The following ANKRD60 variants were observed in gnomAD, a reference collection of about 807,000 sequenced individuals.
The protein encoded by ANKRD60 is ankyrin repeat domain 60, also known as ankyrin repeat domain-containing protein 60.
A neutral mutation model predicts 21.3 loss-of-function variants in ANKRD60; 24 were observed. The observed-to-expected ratio is 1.13, with a 90% CI of 0.82 to 1.59. The LOEUF is 1.59. ANKRD60 is among the 40% of genes most tolerant of loss of function. The pLI, the probability that ANKRD60 is intolerant of heterozygous loss-of-function variation, is 0.00. For missense variants in ANKRD60, 490 were observed against 466.7 expected, an observed-to-expected ratio of 1.05 and a Z score of -0.46; for synonymous variants, 182 against 199.4, an observed-to-expected ratio of 0.91 and a Z score of 0.74.
In ANKRD60 at chr20:58,228,592, GCCCGCGCT is replaced by G; in HGVS notation, c.54_61del (p.Ala19GlyfsTer58). The stretch of plus-strand genomic sequence containing the variant: ...AGAGGCGCCCCCAGTTGGCCCCGCC[GCCCGCGCT>G]CCGCCCGCCCCCGCCGCCGCCCGCC... On this transcript the variant is annotated frameshift_variant, in exon 1 of 4. Transcript: ENST00000457363. LOFTEE classifies it high-confidence loss of function. The surrounding 1 kb of genome is among the most constrained non-coding windows in gnomAD (Gnocchi z 5.3). 2 of 1,125,690 alleles carry G rather than the reference GCCCGCGCT, an allele frequency of 1.8e-6. No individual in the cohort carries two copies. Among genetic ancestry groups the G allele is most frequent in the East Asian group, 4.6e-5 (1 of 21,910 alleles). The allele number at this position is 1,125,690 out of a possible 1,614,324, so 69.7% of individuals were successfully genotyped here.
At chr20:58,216,953 T>C (rs562581414), downstream of ANKRD60, among the ~76,000 whole-genome samples, 18 of 152,382 alleles carry the variant, frequency 1.2e-4, no homozygotes, top group African/African-American at 4.3e-4. Flanking sequence ...CCGTGGCTAC[T>C]CCTTCACTGT....
exon 4 of ANKRD60, chr20:58,218,509 T>A: frequency 6.4e-7 from 1 of 1,550,990 alleles, no homozygotes; most frequent in Non-Finnish European, 8.7e-7. Context: ...TGAGGGGTCA[T>A]CGTCATCTTC....
exon 2 of ANKRD60, chr20:58,223,055 G>T: frequency 6.5e-7 from 1 of 1,547,088 alleles, no homozygotes; most frequent in Non-Finnish European, 8.7e-7. Flanking sequence ...AAAACACCTT[G>T]CTGGGATCCC....
intron 3 of ANKRD60, among the ~76,000 whole-genome samples, chr20:58,219,624 G>A (rs923559185): frequency 6.6e-6 from 1 of 152,192 alleles, no homozygotes; most frequent in Non-Finnish European, 1.5e-5. Flanking sequence ...TCAAATTCTG[G>A]ATAACAAATA....
At chr20:58,221,628 G>A (rs1337033115) in intron 2 of ANKRD60, 125 bp from the exon 3 acceptor site, 3 of 1,114,684 alleles carry the variant, frequency 2.7e-6, no homozygotes, top group Non-Finnish European at 3.8e-6. Flanking sequence ...GATGGGAAAA[G>A]AGAGGTGCAA....
chr20:58,221,398 C>G, exon 3 of ANKRD60: 5 of 1,552,376 alleles, frequency 3.2e-6, no homozygotes, highest in Non-Finnish European at 4.4e-6. Context: ...ACATACAACG[C>G]CACAAACGCC....
chr20:58,228,589 G>A lies in ANKRD60; in HGVS notation c.65C>T (p.Ala22Val), dbSNP rs1483019655. The A allele has an allele frequency of 8.8e-7, 1 of 1,133,026 alleles. No homozygotes were observed. Among genetic ancestry groups the A allele is most frequent in the Non-Finnish European group, 1.1e-6 (1 of 924,202 alleles). 70.2% of individuals were successfully genotyped at this position (1,133,026 alleles called of 1,614,324 possible). The change falls in exon 1 of 4, where the codon GCG (alanine) becomes GTG (valine). Residue 22 changes from alanine (A) to valine (V), a missense_variant. Transcript: ENST00000457363. The surrounding 1 kb of genome is among the most constrained non-coding windows in gnomAD (Gnocchi z 5.3). ...GCGAGAGGCGCCCCCAGTTGGCCCCGCCGCCCGCGCTCCGCCCGCCCCCGC... is the reference window on the plus strand; with the variant it reads ...GCGAGAGGCGCCCCCAGTTGGCCCCACCGCCCGCGCTCCGCCCGCCCCCGC...
chr20:58,216,156 C>T (rs145850934), downstream of ANKRD60, among the ~76,000 whole-genome samples: 730 of 152,238 alleles, frequency 4.8e-3, 8 homozygotes, highest in African/African-American at 0.017. Context: ...TATTTTATTT[C>T]GTAAGTGATA....
At chr20:58,225,626 T>C (rs1296455721) in intron 1 of ANKRD60, among the ~76,000 whole-genome samples, 1 of 152,126 alleles carries the variant, frequency 6.6e-6, no homozygotes, top group Admixed American at 6.5e-5. Context: ...ATTAGGAAAC[T>C]GAGCCCAGAA....
chr20:58,219,482 G>C (rs1367696172), intron 3 of ANKRD60, among the ~76,000 whole-genome samples: 1 of 152,170 alleles, frequency 6.6e-6, no homozygotes, highest in African/African-American at 2.4e-5. Context: ...GCCTGCAGAA[G>C]ACAGGCACTC....
intron 1 of ANKRD60, among the ~76,000 whole-genome samples, chr20:58,226,201 G>A (rs943504869): frequency 6.6e-6 from 1 of 152,200 alleles, no homozygotes; most frequent in African/African-American, 2.4e-5. Context: ...TCGGGTTCCT[G>A]TGAGGGCAGT....
At chr20:58,219,736 C>G (rs1428949256) in intron 3 of ANKRD60, among the ~76,000 whole-genome samples, 2 of 152,224 alleles carry the variant, frequency 1.3e-5, no homozygotes. Flanking sequence ...TAAATAGGCT[C>G]TTAGAACACC....
intron 3 of ANKRD60, among the ~76,000 whole-genome samples, chr20:58,219,329 T>G (rs1984197697): frequency 6.6e-6 from 1 of 152,226 alleles, no homozygotes; most frequent in South Asian, 2.1e-4. Flanking sequence ...CAATAGACAC[T>G]CTACATCTTC....
exon 4 of ANKRD60, chr20:58,218,677 C>T: frequency 6.4e-7 from 1 of 1,551,736 alleles, no homozygotes; most frequent in Non-Finnish European, 8.7e-7. Context: ...GGGGTCTCCC[C>T]CTTGGCATCT....
chr20:58,223,628 CAA>C (rs200149434), intron 1 of ANKRD60, among the ~76,000 whole-genome samples: 6 of 151,892 alleles, frequency 4.0e-5, no homozygotes, highest in African/African-American at 1.5e-4. Context: ...GTGACAATGA[CAA>C]AAAAAATGTT....
chr20:58,228,377 C>T lies in ANKRD60; in HGVS notation c.277G>A (p.Val93Ile), dbSNP rs1186856918. 1.9e-6 allele frequency: 3 copies of T among 1,549,192 alleles called. No individual in the cohort carries two copies. Among genetic ancestry groups the T allele is most frequent in the Non-Finnish European group, 2.6e-6 (3 of 1,146,860 alleles). The change falls in exon 1 of 4, where the codon GTC (valine) becomes ATC (isoleucine). Residue 93 changes from valine to isoleucine, a missense_variant. Transcript: ENST00000457363. This position sits in a 1 kb window ranked among gnomAD's most constrained non-coding sequence, Gnocchi z 5.3. Reference sequence around the variant, plus strand: ...TCCAGCCGCACCCGCAGGACGAAGACGTCAGGGGCCAAGTCGGGCAAGGCA... The same window carrying T: ...TCCAGCCGCACCCGCAGGACGAAGATGTCAGGGGCCAAGTCGGGCAAGGCA...
chr20:58,221,409 C>T (rs566769703), exon 3 of ANKRD60: 159 of 1,552,376 alleles, frequency 1.0e-4, no homozygotes, highest in Non-Finnish European at 1.4e-4. Context: ...CACAAACGCC[C>T]TCTGAGACGT....
chr20:58,223,138 G>A (rs1238391701), exon 2 of ANKRD60: 4 of 1,551,308 alleles, frequency 2.6e-6, no homozygotes, highest in African/African-American at 1.4e-5. Context: ...ATCCCTCCAG[G>A]AACAACATCA....
intron 3 of ANKRD60, among the ~76,000 whole-genome samples, chr20:58,219,050 C>T (rs971400036): frequency 5.3e-5 from 8 of 152,086 alleles, no homozygotes; most frequent in South Asian, 2.1e-4. Context: ...AGGTCTTTCC[C>T]GCTCACTCTC....
Sources: gnomAD v4.1 joint callset for allele counts (sites outside exome capture counted in the v4.1 genomes callset) on GRCh38, gnomAD v4.1.1 for gene constraint, Gnocchi (gnomAD v3.1) non-coding constraint, MANE v1.5 for transcripts, NCBI Gene and HGNC (gene_info 2026-07-23, HGNC 2026-07-21) for gene names.